The following HEG1 variants were observed in gnomAD, a reference collection of about 807,000 sequenced individuals.
HEG1 encodes the protein protein HEG homolog 1.
Under a neutral mutation model 125.6 loss-of-function variants are expected in HEG1, and 56 were observed. The ratio of observed to expected loss-of-function variants is 0.45; its 90% CI spans 0.36 to 0.56. HEG1 has a LOEUF of 0.56. Ranked by LOEUF, HEG1 falls within the 20% of genes least tolerant of loss-of-function variation. The pLI is 0.00. For missense variants in HEG1, 1,523 were observed against 1,670.0 expected (o/e 0.91, Z 1.53); for synonymous variants, 644 against 668.5 (o/e 0.96, Z 0.57).
At chr3:125,042,438 A>T (rs1937601061) in intron 1 of HEG1, among the ~76,000 whole-genome samples, 1 of 139,322 alleles carries the variant, frequency 7.2e-6, no homozygotes, top group South Asian at 2.6e-4. Flanking sequence ...CAAAAAAAAT[A>T]AAAAAATAAA....
intron 1 of HEG1, among the ~76,000 whole-genome samples, chr3:125,045,157 A>G (rs1250709522): frequency 6.6e-6 from 1 of 152,202 alleles, no homozygotes; most frequent in Non-Finnish European, 1.5e-5. Context: ...TGTTGGTTTA[A>G]AGTGAAGCTC....
chr3:125,043,629 C>T (rs370732005), intron 1 of HEG1, among the ~76,000 whole-genome samples: 5 of 152,244 alleles, frequency 3.3e-5, no homozygotes, highest in East Asian at 3.9e-4. Context: ...GAAGAGGAGG[C>T]TCTTTGGTAA....
chr3:124,997,953 GAA>G (rs1936947560), intron 11 of HEG1, 130 bp from the exon 12 acceptor site: 4 of 1,071,470 alleles, frequency 3.7e-6, no homozygotes, highest in South Asian at 4.5e-5. Flanking sequence ...ACAGTTTTCC[GAA>G]AAGTCTCCAC....
At position 125,013,396 on chromosome 3, in the gene HEG1, G is replaced by A; in HGVS notation, c.2183C>T (p.Ser728Phe). The A allele has an allele frequency of 6.2e-7, 1 of 1,614,034 alleles. No individual in the cohort carries two copies. Reference sequence around the variant, plus strand: ...TGTTTGTGAGACAGAAAGTGGGGCAGATGTAGATGTCGTTAAGGATACTGG... The same window carrying A: ...TGTTTGTGAGACAGAAAGTGGGGCAAATGTAGATGTCGTTAAGGATACTGG... The part of the protein sequence containing the change: ...PLPVSLTTST[S>F]APLSVSQTTL... The change falls in exon 6 of 17, where the codon TCT (serine) becomes TTT (phenylalanine). Residue 728 changes from serine to phenylalanine, a missense_variant. Ser to Phe is a radical substitution (Grantham distance 155). Coordinates refer to ENST00000311127, the MANE Select transcript of HEG1 (RefSeq NM_020733.2).
intron 1 of HEG1, among the ~76,000 whole-genome samples, chr3:125,049,252 T>C (rs909760612): frequency 3.3e-5 from 5 of 152,176 alleles, no homozygotes; most frequent in Admixed American, 1.3e-4. Flanking sequence ...AGCAGAAATA[T>C]GTTAACTTAC....
chr3:125,015,870 C>T (rs746555600), intron 5 of HEG1, among the ~76,000 whole-genome samples: 46 of 152,238 alleles, frequency 3.0e-4, no homozygotes, highest in African/African-American at 4.3e-4. Flanking sequence ...GCTGTCAGTA[C>T]GCCATGGCCA....
At position 125,020,785 on chromosome 3, in the gene HEG1, T is replaced by C; in HGVS notation, c.1252+7A>G. ...CCTAATAGATCAAGTAAAGATGGAA[T>C]ACTTACTTGGGGAATCATTTTGCCA... On this transcript the variant is annotated splice_region_variant and intron_variant, in intron 4 of 16. Coordinates refer to ENST00000311127, the MANE Select transcript of HEG1 (RefSeq NM_020733.2). 1 of 1,607,062 alleles carries C rather than the reference T, an allele frequency of 6.2e-7. No homozygotes were observed.
At chr3:125,036,219 A>AAAAAAAG (rs1937546194) in intron 1 of HEG1, among the ~76,000 whole-genome samples, 1 of 150,638 alleles carries the variant, frequency 6.6e-6, no homozygotes, top group African/African-American at 2.4e-5. Context: ...CAAAAAAAAA[A>AAAAAAAG]AAAAAAAGAA....
At chr3:125,019,226 C>T (rs1435709705) in intron 5 of HEG1, 36 bp downstream of exon 5, 4 of 1,541,510 alleles carry the variant, frequency 2.6e-6, no homozygotes, top group Admixed American at 1.7e-5. Context: ...CCTCTCTCCT[C>T]TATGGGGCAC....
At chr3:124,978,819 A>AAATAAAT (rs1936596780) in intron 14 of HEG1, among the ~76,000 whole-genome samples, 1 of 150,538 alleles carries the variant, frequency 6.6e-6, no homozygotes, top group Admixed American at 6.6e-5. Flanking sequence ...ATAAATAAAT[A>AAATAAAT]AATAAATAAA....
rs1347313392 is a variant in HEG1, at chr3:125,027,288, T to C, written c.830A>G (p.Lys277Arg). The change falls in exon 3 of 17, where the codon AAG becomes AGG. Residue 277 changes from lysine (K) to arginine (R), a missense_variant. Physicochemically the swap from Lys to Arg is conservative, Grantham distance 26. Transcript: ENST00000311127. ...GAGATCTGGTCCTGAGGAATTTCTC[T>C]TCCTAGAAGGCGTGGTCAGCTCTCC... ...EMGELTTPSR[K>R]RNSSGPDLSW... 6.2e-7 allele frequency: 1 copy of C among 1,613,510 alleles called. No homozygotes were observed. Among genetic ancestry groups the C allele is most frequent in the Non-Finnish European group, 8.5e-7 (1 of 1,179,802 alleles).
intron 1 of HEG1, among the ~76,000 whole-genome samples, chr3:125,040,886 A>C (rs1411549845): frequency 1.3e-5 from 2 of 152,216 alleles, no homozygotes; most frequent in African/African-American, 4.8e-5. Flanking sequence ...TGCATTTTAC[A>C]ATCGACAAAG....
chr3:125,044,767 T>C (rs1031550765), intron 1 of HEG1, among the ~76,000 whole-genome samples: 2 of 152,064 alleles, frequency 1.3e-5, no homozygotes, highest in Non-Finnish European at 2.9e-5. Flanking sequence ...AAGGGTAACA[T>C]GTACTGAAAG....
At position 125,002,028 on chromosome 3, in the gene HEG1, G is replaced by T; in HGVS notation, c.3357-16C>A. On this transcript the variant is annotated splice_polypyrimidine_tract_variant and intron_variant, in intron 10 of 16. Coordinates refer to ENST00000311127, the MANE Select transcript of HEG1 (RefSeq NM_020733.2). Reference sequence around the variant, plus strand: ...GTTGGACTCCCTATAGGCAAAGTTTGTGGGTTTTTAACAGCCCTGAAATGA... The same window carrying T: ...GTTGGACTCCCTATAGGCAAAGTTTTTGGGTTTTTAACAGCCCTGAAATGA... The T allele has an allele frequency of 3.1e-6, 5 of 1,613,652 alleles. No homozygotes were observed. The highest frequency in any genetic ancestry group is 4.2e-6 in the Non-Finnish European group (5 of 1,179,746).
At chr3:125,035,551 C>T (rs1937541339) in intron 1 of HEG1, among the ~76,000 whole-genome samples, 1 of 152,084 alleles carries the variant, frequency 6.6e-6, no homozygotes, top group African/African-American at 2.4e-5. Flanking sequence ...GTATATTCGG[C>T]AAAGCTATCT....
chr3:124,993,671 G>A (rs926092112), intron 12 of HEG1, among the ~76,000 whole-genome samples: 5 of 152,146 alleles, frequency 3.3e-5, no homozygotes, highest in East Asian at 1.9e-4. Context: ...TGTCACACCA[G>A]CCTTTTCTAT....
At chr3:125,037,190 T>C (rs1164069210) in intron 1 of HEG1, among the ~76,000 whole-genome samples, 2 of 152,238 alleles carry the variant, frequency 1.3e-5, no homozygotes, top group Non-Finnish European at 2.9e-5. Flanking sequence ...TATAAAATAG[T>C]ATGTATCATA....
intron 12 of HEG1, among the ~76,000 whole-genome samples, chr3:124,995,390 T>G (rs755736237): frequency 1.3e-4 from 20 of 152,214 alleles, no homozygotes; most frequent in Non-Finnish European, 2.4e-4. Context: ...TTTGATTTTA[T>G]GTGTAGCTTT....
chr3:125,032,171 G>A (rs1331524514), intron 1 of HEG1, among the ~76,000 whole-genome samples: 1 of 152,190 alleles, frequency 6.6e-6, no homozygotes, highest in African/African-American at 2.4e-5. Context: ...CACGTGGCTG[G>A]TGGCTGCATC....
Sources: gnomAD v4.1 joint callset for allele counts (sites outside exome capture counted in the v4.1 genomes callset) on GRCh38, gnomAD v4.1.1 for gene constraint, MANE v1.5 for transcripts, NCBI Gene and HGNC (gene_info 2026-07-23, HGNC 2026-07-21) for gene names.